Variants in BAZ2B observed in about 807,000 individuals in gnomAD.
BAZ2B encodes the protein bromodomain adjacent to zinc finger domain 2B.
Under a neutral mutation model 246.0 loss-of-function variants are expected in BAZ2B, and 91 were observed. The observed-to-expected ratio is 0.37, with a 90% CI of 0.31 to 0.44. The LOEUF is 0.44. Ranked by LOEUF, BAZ2B falls within the 20% of genes least tolerant of loss-of-function variation. The probability of loss-of-function intolerance (pLI) is 1.00; values close to 1 mark genes in which losing one functional copy is unlikely to be tolerated. For synonymous variants in BAZ2B, 855 were observed against 860.0 expected (o/e 0.99, Z 0.10); for missense variants, 2,332 against 2,533.7 (o/e 0.92, Z 1.71).
chr2:159,547,801 A>AT (rs1412058856), intron 2 of BAZ2B, among the ~76,000 whole-genome samples: 1 of 152,164 alleles, frequency 6.6e-6, no homozygotes, highest in Non-Finnish European at 1.5e-5. Flanking sequence ...AGACAGATTT[A>AT]TTAAACAGTA....
intron 2 of BAZ2B, among the ~76,000 whole-genome samples, chr2:159,491,812 T>G (rs1372254849): frequency 6.6e-6 from 1 of 151,556 alleles, no homozygotes; most frequent in African/African-American, 2.4e-5. Context: ...AGCAATCATA[T>G]TACTTTAAAA....
At chr2:159,702,892 T>C in the BAZ2B span, among the ~76,000 whole-genome samples, 1 of 151,512 alleles carries the variant, frequency 6.6e-6, no homozygotes, top group Non-Finnish European at 1.5e-5. Flanking sequence ...TACAAAAAAT[T>C]AGCTGGGCGT....
intron 2 of BAZ2B, among the ~76,000 whole-genome samples, chr2:159,509,932 T>C (rs1198570742): frequency 6.6e-6 from 1 of 152,082 alleles, no homozygotes; most frequent in Non-Finnish European, 1.5e-5. Context: ...TTTGTATGTA[T>C]ATATGTACAC....
chr2:159,552,252 C>T (rs12466650), intron 2 of BAZ2B, among the ~76,000 whole-genome samples: 48,165 of 152,014 alleles, frequency 0.32, 9,587 homozygotes, highest in Admixed American at 0.46. Flanking sequence ...GGCCTCCTTG[C>T]TGAAACTTGC....
At chr2:159,486,543 T>TACCGTGCAAA (rs1434650433) in intron 2 of BAZ2B, among the ~76,000 whole-genome samples, 2 of 151,308 alleles carry the variant, frequency 1.3e-5, no homozygotes, top group Non-Finnish European at 3.0e-5. Flanking sequence ...AAAGTGGGGA[T>TACCGTGCAAA]AACAGGTTGT....
At chr2:159,583,343 G>A (rs994257429) in intron 1 of BAZ2B, among the ~76,000 whole-genome samples, 10 of 152,080 alleles carry the variant, frequency 6.6e-5, no homozygotes, top group Non-Finnish European at 1.3e-4. Context: ...TAGAGCTCCT[G>A]AGCTCAGGTG....
intron 14 of BAZ2B, among the ~76,000 whole-genome samples, chr2:159,406,846 C>T (rs1444101959): frequency 2.6e-5 from 4 of 152,084 alleles, no homozygotes. Flanking sequence ...GCTCCACCTC[C>T]CAGGTTTACG....
At chr2:159,432,605 T>C in intron 9 of BAZ2B, 152 bp downstream of exon 9, 1 of 1,018,416 alleles carries the variant, frequency 9.8e-7, no homozygotes, top group South Asian at 1.8e-5. Flanking sequence ...TATCAATTAC[T>C]CCTGTATTTT....
intron 1 of BAZ2B, among the ~76,000 whole-genome samples, chr2:159,600,571 C>G (rs1188519773): frequency 1.3e-5 from 2 of 152,098 alleles, no homozygotes; most frequent in African/African-American, 4.8e-5. Flanking sequence ...TGATCTTGTC[C>G]CGAAATCCAC....
chr2:159,332,962 C>T, intron 33 of BAZ2B: 1 of 294,488 alleles, frequency 3.4e-6, no homozygotes, highest in Non-Finnish European at 6.4e-6. Flanking sequence ...GAAGCATGTA[C>T]ACATTAACAT....
intron 1 of BAZ2B, among the ~76,000 whole-genome samples, chr2:159,567,000 T>C (rs1682769336): frequency 6.6e-6 from 1 of 151,784 alleles, no homozygotes; most frequent in South Asian, 2.1e-4. Context: ...TCCCAGCACT[T>C]TGGGAAGCTG....
At chr2:159,472,871 G>A (rs894347600) in intron 3 of BAZ2B, among the ~76,000 whole-genome samples, 4 of 152,270 alleles carry the variant, frequency 2.6e-5, no homozygotes, top group South Asian at 2.1e-4. Flanking sequence ...TTGATGTGCT[G>A]CTGGATTCGA....
At chr2:159,389,532 T>C (rs2063075219) in intron 20 of BAZ2B, 47 bp from the exon 21 acceptor site, 2 of 1,459,074 alleles carry the variant, frequency 1.4e-6, no homozygotes, top group South Asian at 2.9e-5. Flanking sequence ...TCATTATATA[T>C]GTTGGAATAA....
At chr2:159,386,329 A>G in intron 22 of BAZ2B, 24 bp downstream of exon 22, 1 of 1,587,466 alleles carries the variant, frequency 6.3e-7, no homozygotes, top group East Asian at 2.3e-5. Context: ...AATTTAAAAC[A>G]TTTTATATTT....
intron 25 of BAZ2B, 41 bp downstream of exon 25, chr2:159,382,518 T>G (rs1437671149): frequency 1.3e-6 from 2 of 1,525,454 alleles, no homozygotes; most frequent in Non-Finnish European, 8.8e-7. Context: ...AAATATGTTA[T>G]GCAGTTCTAG....
chr2:159,524,189 G>A (rs1224035942), intron 2 of BAZ2B, among the ~76,000 whole-genome samples: 3 of 152,102 alleles, frequency 2.0e-5, no homozygotes, highest in Non-Finnish European at 4.4e-5. Context: ...GGAGACCAAC[G>A]TGGGAGGATA....
At chr2:159,630,460 A>G in the BAZ2B span, among the ~76,000 whole-genome samples, 1 of 152,258 alleles carries the variant, frequency 6.6e-6, no homozygotes, top group African/African-American at 2.4e-5. Flanking sequence ...ACTAAAACAC[A>G]CTAAGTTAAC....
chr2:159,565,337 C>G (rs952564529), intron 1 of BAZ2B, among the ~76,000 whole-genome samples: 5 of 152,136 alleles, frequency 3.3e-5, no homozygotes, highest in African/African-American at 4.8e-5. Flanking sequence ...AGAAATGGTA[C>G]TATACCTAGA....
intron 2 of BAZ2B, among the ~76,000 whole-genome samples, chr2:159,541,762 T>A (rs2086688118): frequency 6.6e-6 from 1 of 152,058 alleles, no homozygotes; most frequent in South Asian, 2.1e-4. Context: ...TTTACTGGAG[T>A]TCTTTTTTTC....
Sources: gnomAD v4.1 joint callset for allele counts (sites outside exome capture counted in the v4.1 genomes callset) on GRCh38, gnomAD v4.1.1 for gene constraint, MANE v1.5 for transcripts, NCBI Gene and HGNC (gene_info 2026-07-23, HGNC 2026-07-21) for gene names.